RNPC3: variants seen among roughly 807,000 people sequenced by gnomAD.
RNPC3 encodes RNA-binding region-containing protein 3.
In RNPC3, 48 loss-of-function variants were observed where a neutral mutation model predicts 67.5. The observed-to-expected ratio is 0.71, with a 90% CI of 0.56 to 0.90. The LOEUF (loss-of-function observed/expected upper bound fraction) is 0.90. Ranked by LOEUF, RNPC3 falls within the 40% of genes least tolerant of loss-of-function variation. The pLI is 0.00. For missense variants in RNPC3, 637 were observed against 626.1 expected, an observed-to-expected ratio of 1.02 and a Z score of -0.19; for synonymous variants, 239 against 210.3, an observed-to-expected ratio of 1.14 and a Z score of -1.18.
chr1:103,548,078 C>A (rs1175752966), intron 12 of RNPC3, among the ~76,000 whole-genome samples: 1 of 152,168 alleles, frequency 6.6e-6, no homozygotes. Flanking sequence ...AGGCTGCACA[C>A]AGCACAGGGA....
chr1:103,528,070 A>G (rs1650760184), intron 2 of RNPC3, among the ~76,000 whole-genome samples: 1 of 152,356 alleles, frequency 6.6e-6, no homozygotes, highest in Non-Finnish European at 1.5e-5. Flanking sequence ...GGAATCATTC[A>G]CAGGAGGTGA....
chr1:103,537,517 A>G (rs1351562843), intron 7 of RNPC3, 33 bp downstream of exon 7: 10 of 1,506,782 alleles, frequency 6.6e-6, no homozygotes, highest in Non-Finnish European at 8.9e-6. Context: ...TTAGTTTCCA[A>G]GAAACATAGA....
chr1:103,527,520 AAAAAGTATTG>A (rs2101040778), intron 1 of RNPC3, among the ~76,000 whole-genome samples, 165 bp from the exon 2 acceptor site: 1 of 152,336 alleles, frequency 6.6e-6, no homozygotes, highest in South Asian at 2.1e-4. Context: ...AGTCTGACTC[AAAAAGTATTG>A]AAAACCACTG....
In RNPC3 at chr1:103,527,726, A is replaced by G; in HGVS notation, c.224A>G (p.Glu75Gly). 6.5e-7 allele frequency: 1 copy of G among 1,548,460 alleles called. No individual in the cohort carries two copies. Among genetic ancestry groups the G allele is most frequent in the Non-Finnish European group, 8.7e-7 (1 of 1,144,484 alleles). The change falls in exon 2 of 15, where the codon GAA becomes GGA. Residue 75 changes from glutamate (E) to glycine (G), a missense_variant. Around this residue, in one of 3 missense-constraint regions of RNPC3, gnomAD observed 536 missense variants for 500.3 expected, o/e 1.07. Coordinates refer to ENST00000423855, the MANE Select transcript of RNPC3 (RefSeq NM_017619.4). ...KHTAFATFPN[E>G]KAAIKALTRL... is the part of the protein sequence containing the mutation. ...ACAGCTTTTGCCACATTCCCTAATG[A>G]AAAAGCAGCTATAAAGGTATGACTT... is the stretch of plus-strand genomic sequence containing the variant.
chr1:103,535,213 G>C, intron 4 of RNPC3, 117 bp from the exon 5 acceptor site: 1 of 616,462 alleles, frequency 1.6e-6, no homozygotes. Flanking sequence ...TAGGAACAAG[G>C]TAAATCTAAT....
At chr1:103,554,376 T>C (rs1016789994) in intron 14 of RNPC3, 1 of 152,116 alleles carries the variant, frequency 6.6e-6, no homozygotes, top group Admixed American at 6.6e-5. Flanking sequence ...CCTTAAGAAA[T>C]ATATTGATGC....
At chr1:103,551,640 A>G (rs1570628532) in intron 13 of RNPC3, 81 bp from the exon 14 acceptor site, 5 of 885,038 alleles carry the variant, frequency 5.6e-6, no homozygotes, top group Non-Finnish European at 8.7e-6. Context: ...TACTCCCACC[A>G]TACACTAGAA....
At chr1:103,543,833 G>T (rs1232450667) in intron 9 of RNPC3, among the ~76,000 whole-genome samples, 1 of 151,656 alleles carries the variant, frequency 6.6e-6, no homozygotes, top group African/African-American at 2.4e-5. Context: ...TATTTTGTGA[G>T]TTGTAGACTT....
chr1:103,545,234 T>C (rs1048690118), intron 10 of RNPC3, 132 bp downstream of exon 10: 22 of 665,368 alleles, frequency 3.3e-5, no homozygotes, highest in Non-Finnish European at 4.8e-5. Flanking sequence ...CAATTAATGT[T>C]TGTAATCACT....
chr1:103,535,515 T>G, intron 5 of RNPC3, 74 bp downstream of exon 5: 1 of 906,904 alleles, frequency 1.1e-6, no homozygotes. Context: ...CTGATTCTCA[T>G]AAAAGTAATC....
intron 12 of RNPC3, among the ~76,000 whole-genome samples, chr1:103,548,466 C>G (rs538954130): frequency 6.6e-6 from 1 of 152,320 alleles, no homozygotes; most frequent in South Asian, 2.1e-4. Flanking sequence ...CCACCAGTCT[C>G]TTTGCCAAAA....
intron 2 of RNPC3, among the ~76,000 whole-genome samples, chr1:103,533,164 G>T (rs1310210209): frequency 6.6e-6 from 1 of 151,970 alleles, no homozygotes; most frequent in Non-Finnish European, 1.5e-5. Flanking sequence ...ATAGGCATGT[G>T]GATAGTTAAT....
At chr1:103,544,752 A>C (rs535600953) in intron 9 of RNPC3, among the ~76,000 whole-genome samples, 189 bp from the exon 10 acceptor site, 2 of 151,682 alleles carry the variant, frequency 1.3e-5, no homozygotes, top group South Asian at 4.1e-4. Flanking sequence ...CCTTTAACAA[A>C]ATTTTTTTTT....
intron 1 of RNPC3, among the ~76,000 whole-genome samples, chr1:103,527,095 G>A (rs1157737317): frequency 6.6e-6 from 1 of 152,044 alleles, no homozygotes; most frequent in African/African-American, 2.4e-5. Context: ...AAATTAGAAT[G>A]TGCGATATAA....
intron 7 of RNPC3, among the ~76,000 whole-genome samples, chr1:103,539,662 C>T (rs1376049525): frequency 6.6e-6 from 1 of 152,144 alleles, no homozygotes. Context: ...AGAACATAGC[C>T]TTTGAGTGTA....
intron 4 of RNPC3, among the ~76,000 whole-genome samples, 162 bp from the exon 5 acceptor site, chr1:103,535,167 AG>A (rs1202123509): frequency 1.3e-5 from 2 of 152,060 alleles, no homozygotes; most frequent in Non-Finnish European, 2.9e-5. Flanking sequence ...GAAATGCAGT[AG>A]CTTATTTTTC....
intron 12 of RNPC3, among the ~76,000 whole-genome samples, chr1:103,548,840 T>C (rs998732085): frequency 2.6e-5 from 4 of 152,190 alleles, no homozygotes; most frequent in African/African-American, 9.7e-5. Flanking sequence ...AGAGGTTTAA[T>C]GGAAAACTCA....
At chr1:103,541,282 A>G in intron 7 of RNPC3, 68 bp from the exon 8 acceptor site, 2 of 1,182,100 alleles carry the variant, frequency 1.7e-6, no homozygotes, top group South Asian at 1.6e-5. Flanking sequence ...TAACGTTAAT[A>G]GAAACAGTGG....
At position 103,550,416 on chromosome 1, in the gene RNPC3, G is replaced by A. The variant is rs534356148; in HGVS notation, c.1362-525G>A. ...TGGGAGGCCGAGGCGGGCAGATCAC[G>A]AGGTCACGAGGTCAGGAGATCGAGA... On this transcript the variant is annotated intron_variant, in intron 12 of 14. Transcript: ENST00000423855. 2.0e-3 allele frequency among the ~76,000 whole-genome samples: 301 copies of A among 151,854 alleles called. 6 individuals carry two copies. The highest frequency in any genetic ancestry group is 5.4e-4 in the Non-Finnish European group (37 of 67,928).
Sources: gnomAD v4.1 joint callset for allele counts (sites outside exome capture counted in the v4.1 genomes callset) on GRCh38, gnomAD v4.1.1 for gene constraint, gnomAD v4.1.1 regional missense constraint, MANE v1.5 for transcripts, NCBI Gene and HGNC (gene_info 2026-07-23, HGNC 2026-07-21) for gene names.